LRRC40: variants seen among roughly 807,000 people sequenced by gnomAD.
LRRC40 encodes the protein leucine-rich repeat-containing protein 40.
A neutral mutation model predicts 72.8 loss-of-function variants in LRRC40; 76 were observed. That is an observed-to-expected ratio of 1.04 (90% CI 0.87 to 1.26). The LOEUF is 1.26. Among genes scored for constraint, LRRC40 ranks in the 50% most tolerant of loss-of-function variants. The pLI is 0.00. For missense variants in LRRC40, 684 were observed against 698.9 expected (o/e 0.98, Z 0.24); for synonymous variants, 243 against 254.2 (o/e 0.96, Z 0.42).
chr1:70,169,585 T>A (rs549337803), intron 9 of LRRC40, among the ~76,000 whole-genome samples: 180 of 152,218 alleles, frequency 1.2e-3, no homozygotes, highest in African/African-American at 4.2e-3. Flanking sequence ...AAGACTCACA[T>A]TACTAGAATC....
Position 70,178,979 on chromosome 1 carries a change from C to A in LRRC40, c.676G>T (p.Asp226Tyr). The A allele has an allele frequency of 6.3e-7, 1 of 1,594,888 alleles. No individual in the cohort carries two copies. Among genetic ancestry groups the A allele is most frequent in the Non-Finnish European group, 8.6e-7 (1 of 1,168,496 alleles). The stretch of plus-strand genomic sequence containing the variant: ...GTTTCCAAGAGATTTGAATTACAAT[C>A]CAAATGCTTCAACCCTGTAATATAT... ...INRMKRLKHL[D>Y]CNSNLLETIP... Residue 226 changes from aspartate to tyrosine, a missense_variant, in exon 6 of 15, where the codon GAT becomes TAT. Coordinates refer to ENST00000370952, the MANE Select transcript of LRRC40 (RefSeq NM_017768.5).
chr1:70,161,476 C>T (rs1278233479), intron 9 of LRRC40, among the ~76,000 whole-genome samples: 3 of 149,604 alleles, frequency 2.0e-5, no homozygotes, highest in African/African-American at 4.9e-5. Flanking sequence ...GGTGTGAAGC[C>T]GGGAGGCGGA....
intron 6 of LRRC40, among the ~76,000 whole-genome samples, chr1:70,176,571 T>C (rs568993428): frequency 6.8e-6 from 1 of 146,310 alleles, no homozygotes; most frequent in South Asian, 2.2e-4. Flanking sequence ...AGAGAAATAA[T>C]TTAGTAGTTA....
At chr1:70,185,545 CCT>C (rs1014013669) in intron 3 of LRRC40, among the ~76,000 whole-genome samples, 19 of 152,174 alleles carry the variant, frequency 1.2e-4, no homozygotes, top group African/African-American at 3.4e-4. Context: ...TCCAATTAAA[CCT>C]CTTTTTCTTC....
At chr1:70,154,468 CCTAT>C (rs1667593829) in intron 11 of LRRC40, among the ~76,000 whole-genome samples, 1 of 152,242 alleles carries the variant, frequency 6.6e-6, no homozygotes, top group Admixed American at 6.5e-5. Flanking sequence ...GCAAACTTGT[CCTAT>C]CTGAGAGCAA....
At chr1:70,182,635 A>T (rs532908364) in intron 4 of LRRC40, among the ~76,000 whole-genome samples, 1 of 152,210 alleles carries the variant, frequency 6.6e-6, no homozygotes, top group African/African-American at 2.4e-5. Context: ...AAAGTTAAAT[A>T]ATTACTGCAG....
chr1:70,190,474 A>C (rs1668468821), intron 1 of LRRC40, among the ~76,000 whole-genome samples: 1 of 151,524 alleles, frequency 6.6e-6, no homozygotes, highest in Non-Finnish European at 1.5e-5. Flanking sequence ...TGAGGCCATG[A>C]GTTTGAGACC....
intron 14 of LRRC40, chr1:70,148,083 T>A (rs1342103019): frequency 7.1e-6 from 1 of 141,030 alleles, no homozygotes; most frequent in Middle Eastern, 3.9e-3. Flanking sequence ...ATGTAAAGAG[T>A]GAGAAAGACT....
Position 70,155,673 on chromosome 1 carries a change from G to T in LRRC40, c.1328+16C>A. ...GAATGAGTCACAACCTATAGACATG[G>T]CATCATAGTTCTTACCTTTTTGGAA... On this transcript the variant is annotated intron_variant, in intron 11 of 14. Transcript: ENST00000370952. 1.7e-6 allele frequency: 2 copies of T among 1,192,222 alleles called. No individual in the cohort carries two copies. The highest frequency in any genetic ancestry group is 2.4e-6 in the Non-Finnish European group (2 of 841,548). 73.9% of individuals were successfully genotyped at this position (1,192,222 alleles called of 1,614,324 possible).
intron 11 of LRRC40, among the ~76,000 whole-genome samples, chr1:70,154,532 A>G (rs1367861648): frequency 6.6e-6 from 1 of 152,214 alleles, no homozygotes; most frequent in African/African-American, 2.4e-5. Context: ...TTAAAACAAG[A>G]GAGAACCAGA....
At chr1:70,149,276 T>C (rs576897453) in intron 13 of LRRC40, among the ~76,000 whole-genome samples, 1 of 152,278 alleles carries the variant, frequency 6.6e-6, no homozygotes, top group African/African-American at 2.4e-5. Flanking sequence ...AGTTTTAGCA[T>C]GAGGTGAACT....
intron 12 of LRRC40, chr1:70,151,798 G>C (rs1231012008): frequency 6.6e-6 from 1 of 151,480 alleles, no homozygotes; most frequent in Non-Finnish European, 1.5e-5. Context: ...CTGTTGGAAA[G>C]ATCTGGGAGC....
At chr1:70,199,114 C>T (rs1668677599) in intron 1 of LRRC40, among the ~76,000 whole-genome samples, 1 of 152,120 alleles carries the variant, frequency 6.6e-6, no homozygotes, top group African/African-American at 2.4e-5. Flanking sequence ...GATCTCACCA[C>T]TGCATTCCAG....
chr1:70,166,882 T>G (rs1667891990), intron 9 of LRRC40, among the ~76,000 whole-genome samples: 1 of 149,812 alleles, frequency 6.7e-6, no homozygotes, highest in Non-Finnish European at 1.5e-5. Flanking sequence ...CTAAAAAAAT[T>G]TTCCCCATCC....
Position 70,181,141 on chromosome 1 carries a change from G to T in LRRC40, c.606C>A (p.Leu202=), listed in dbSNP as rs1668236226. The change falls in exon 5 of 15, where the codon CTC becomes CTA. Residue 202 remains leucine, a synonymous_variant. Transcript: ENST00000370952. The stretch of plus-strand genomic sequence containing the variant: ...TCTTCAGTTCATTACTAGAAAGATT[G>T]AGTCGCACCAGACTGGACAGAGAAG... ...SFSSLSSLVR[L]NLSSNELKSL... The T allele has an allele frequency of 6.2e-7, 1 of 1,600,524 alleles. No homozygotes were observed. Among genetic ancestry groups the T allele is most frequent in the Non-Finnish European group, 8.5e-7 (1 of 1,171,956 alleles).
intron 13 of LRRC40, 44 bp downstream of exon 13, chr1:70,151,084 A>T (rs188862582): frequency 1.5e-5 from 17 of 1,111,000 alleles, no homozygotes; most frequent in African/African-American, 1.4e-4. Context: ...AGAAAGATCT[A>T]CATATTTCCA....
At chr1:70,201,703 G>T (rs60272091) in intron 1 of LRRC40, among the ~76,000 whole-genome samples, 16,757 of 152,030 alleles carry the variant, frequency 0.11, 1,094 homozygotes, top group East Asian at 0.3. Flanking sequence ...CCGGGCGTGG[G>T]GGCTCACGCC....
At chr1:70,197,524 C>T (rs1476745247) in intron 1 of LRRC40, among the ~76,000 whole-genome samples, 1 of 151,732 alleles carries the variant, frequency 6.6e-6, no homozygotes, top group East Asian at 1.9e-4. Flanking sequence ...AGTGATCCTC[C>T]CACCTTGGCC....
intron 9 of LRRC40, among the ~76,000 whole-genome samples, chr1:70,166,809 A>G (rs1341602283): frequency 1.3e-5 from 2 of 152,118 alleles, no homozygotes; most frequent in African/African-American, 2.4e-5. Context: ...TTCTTAAACA[A>G]TAAGGCCATT....
Sources: gnomAD v4.1 joint callset for allele counts (sites outside exome capture counted in the v4.1 genomes callset) on GRCh38, gnomAD v4.1.1 for gene constraint, MANE v1.5 for transcripts, NCBI Gene and HGNC (gene_info 2026-07-23, HGNC 2026-07-21) for gene names.